WDFY1: variants seen among roughly 807,000 people sequenced by gnomAD.
The protein encoded by WDFY1 is WD repeat and FYVE domain-containing protein 1.
A neutral mutation model predicts 56.4 loss-of-function variants in WDFY1; 32 were observed. The ratio of observed to expected loss-of-function variants is 0.57; its 90% CI spans 0.43 to 0.76. WDFY1 has a LOEUF of 0.76. Among genes scored for constraint, WDFY1 ranks in the 30% least tolerant of loss-of-function variants. WDFY1 has a pLI of 0.00. For synonymous variants in WDFY1, 192 were observed against 197.3 expected (o/e 0.97, Z 0.23); for missense variants, 480 against 545.7 (o/e 0.88, Z 1.20).
chr2:223,876,303 A>C lies in WDFY1; in HGVS notation c.*2368T>G, dbSNP rs552419742. 2 of 152,758 alleles carry C rather than the reference A, an allele frequency of 1.3e-5. No homozygotes were observed. The highest frequency in any genetic ancestry group is 2.9e-5 in the Non-Finnish European group (2 of 68,014). 9.5% of individuals were successfully genotyped at this position (152,758 alleles called of 1,614,324 possible). On this transcript the variant is annotated 3_prime_UTR_variant, in exon 12 of 12. Coordinates refer to ENST00000233055, the MANE Select transcript of WDFY1 (RefSeq NM_020830.5). ...AGAACTAATTTAAATGATCCATTTA[A>C]GAGAAATGCAGTCAAAATAAGGCAA...
intron 4 of WDFY1, among the ~76,000 whole-genome samples, chr2:223,902,680 T>C (rs1387646405): frequency 6.6e-6 from 1 of 152,064 alleles, no homozygotes; most frequent in Non-Finnish European, 1.5e-5. Flanking sequence ...GTTTTAATGA[T>C]ATTTAATTTC....
In WDFY1 at chr2:223,903,383, C is replaced by T. The variant is rs1017256231; in HGVS notation, c.335-2050G>A. 5.3e-5 allele frequency among the ~76,000 whole-genome samples: 8 copies of T among 151,990 alleles called. No homozygotes were observed. The East Asian group carries it at 1.2e-3, about 22-fold the overall frequency. On this transcript the variant is annotated intron_variant, in intron 4 of 11. Coordinates refer to ENST00000233055, the MANE Select transcript of WDFY1 (RefSeq NM_020830.5). ...CTAAAAATACAAACAATTAGCTGGC[C>T]GTGGTGGCTCGCACCTGTAATCCCA...
rs1693849971 is a variant in WDFY1, at chr2:223,919,270, G to A, written c.138-1260C>T. 2.0e-5 allele frequency among the ~76,000 whole-genome samples: 3 copies of A among 152,188 alleles called. No individual in the cohort carries two copies. In the South Asian group the frequency reaches 6.2e-4, roughly 32 times the overall value. ...CTGTCACCCAGGTTGGAGCGCAGTG[G>A]CACGATCTCGGCTCACTGCAACCGC... is the stretch of plus-strand genomic sequence containing the variant. On this transcript the variant is annotated intron_variant, in intron 1 of 11. Transcript: ENST00000233055.
In WDFY1 at chr2:223,882,208, G is replaced by A. The variant is rs571802326; in HGVS notation, c.934-136C>T. 86 of 1,177,624 alleles carry A rather than the reference G, an allele frequency of 7.3e-5. 1 individual carries two copies. In the South Asian group the frequency reaches 9.8e-4, roughly 13 times the overall value. 72.9% of individuals were successfully genotyped at this position (1,177,624 alleles called of 1,614,324 possible). A position where few individuals can be genotyped will look rare whatever the true frequency, so the allele number is the denominator to read the frequency against. On this transcript the variant is annotated intron_variant, in intron 9 of 11. Coordinates refer to ENST00000233055, the MANE Select transcript of WDFY1 (RefSeq NM_020830.5). ...CGGCTCACTGCAACCTCTGGCGCCC[G>A]GGTTCTACCAATTCTCCTGCCTCAG...
At chr2:223,878,912 G>T (rs1451513869) in intron 11 of WDFY1, among the ~76,000 whole-genome samples, 182 bp from the exon 12 acceptor site, 1 of 152,252 alleles carries the variant, frequency 6.6e-6, no homozygotes, top group Admixed American at 6.5e-5. Context: ...GGCTGGGCAC[G>T]GTGGCTCACG....
At chr2:223,881,918 A>G in intron 10 of WDFY1, 24 bp downstream of exon 10, 1 of 1,612,110 alleles carries the variant, frequency 6.2e-7, no homozygotes, top group Non-Finnish European at 8.5e-7. Context: ...AGAGGCAATG[A>G]GACAAAAATA....
At chr2:223,909,477 T>C (rs1693656903) in intron 3 of WDFY1, among the ~76,000 whole-genome samples, 1 of 152,048 alleles carries the variant, frequency 6.6e-6, no homozygotes, top group African/African-American at 2.4e-5. Context: ...AAAAATGACC[T>C]GATGATGATG....
chr2:223,919,023 A>G (rs73994437), intron 1 of WDFY1, among the ~76,000 whole-genome samples: 2,049 of 152,310 alleles, frequency 0.013, 39 homozygotes, highest in Middle Eastern at 0.058. Context: ...GACCTCAGAG[A>G]AACAATGGGA....
chr2:223,884,208 T>C (rs1470907886), intron 9 of WDFY1, among the ~76,000 whole-genome samples: 3 of 152,196 alleles, frequency 2.0e-5, no homozygotes, highest in South Asian at 4.1e-4. Flanking sequence ...AAGGGAACAA[T>C]TTAAAATAAT....
At chr2:223,898,902 T>A (rs1693448555) in intron 6 of WDFY1, 56 bp downstream of exon 6, 1 of 1,339,094 alleles carries the variant, frequency 7.5e-7, no homozygotes, top group African/African-American at 1.4e-5. Context: ...AGTAGAGAAC[T>A]GAATTTGGAT....
intron 11 of WDFY1, 84 bp from the exon 12 acceptor site, chr2:223,878,814 G>A: frequency 6.7e-7 from 1 of 1,492,816 alleles, no homozygotes; most frequent in Non-Finnish European, 9.2e-7. Context: ...ACAAACGACT[G>A]TTAAACCTGA....
At chr2:223,913,066 T>C (rs776224058) in intron 2 of WDFY1, among the ~76,000 whole-genome samples, 5 of 152,144 alleles carry the variant, frequency 3.3e-5, no homozygotes, top group Non-Finnish European at 7.4e-5. Flanking sequence ...CAAATTTGAA[T>C]TCACTTTGGA....
At chr2:223,934,104 T>C (rs1694128453) in intron 1 of WDFY1, among the ~76,000 whole-genome samples, 1 of 109,270 alleles carries the variant, frequency 9.2e-6, no homozygotes, top group South Asian at 3.1e-4. Context: ...TTTTTTTTTT[T>C]GAGAAAGAGA....
intron 6 of WDFY1, among the ~76,000 whole-genome samples, chr2:223,897,390 A>ATATATTTT (rs1461451983): frequency 6.7e-4 from 84 of 125,970 alleles, no homozygotes; most frequent in Middle Eastern, 4.1e-3. Flanking sequence ...ATATATATAT[A>ATATATTTT]TTTTTTAAGA....
At chr2:223,886,188 A>T (rs1337861243) in intron 8 of WDFY1, among the ~76,000 whole-genome samples, 3 of 151,540 alleles carry the variant, frequency 2.0e-5, no homozygotes, top group Non-Finnish European at 4.4e-5. Context: ...AAAATACAAA[A>T]ATTAGCCGGG....
At chr2:223,933,015 T>A (rs1026244203) in intron 1 of WDFY1, among the ~76,000 whole-genome samples, 1 of 152,134 alleles carries the variant, frequency 6.6e-6, no homozygotes, top group Non-Finnish European at 1.5e-5. Flanking sequence ...TCTCTGGAAT[T>A]CTGCCCTGTT....
intron 3 of WDFY1, among the ~76,000 whole-genome samples, chr2:223,906,505 T>G (rs140910123): frequency 6.6e-6 from 1 of 152,344 alleles, no homozygotes; most frequent in African/African-American, 2.4e-5. Context: ...GGGTGGTTTT[T>G]GTCTTTTTAT....
intron 4 of WDFY1, among the ~76,000 whole-genome samples, chr2:223,905,599 C>T (rs1381126629): frequency 6.6e-6 from 1 of 151,994 alleles, no homozygotes; most frequent in Non-Finnish European, 1.5e-5. Context: ...TCAATACACA[C>T]ACACAATGTG....
Position 223,905,980 on chromosome 2 carries a change from A to G in WDFY1, c.301T>C (p.Phe101Leu). 6.3e-7 allele frequency: 1 copy of G among 1,580,546 alleles called. No individual in the cohort carries two copies. Among genetic ancestry groups the G allele is most frequent in the Non-Finnish European group, 8.6e-7 (1 of 1,166,258 alleles). The change falls in exon 4 of 12, where the codon TTT becomes CTT. Residue 101 changes from phenylalanine to leucine, a missense_variant. Transcript: ENST00000233055. The stretch of plus-strand genomic sequence containing the variant: ...GTCTTGATAAAGTTCATTTTATTAA[A>G]ATCTTCAGAAACGTGAAATTCCTAA... Reference protein sequence around the residue: ...AVMEFHVSEDFNKMNFIKTYP... With the variant: ...AVMEFHVSEDLNKMNFIKTYP...
Sources: allele counts gnomAD v4.1 joint callset (sites outside exome capture counted in the v4.1 genomes callset), GRCh38; gene constraint gnomAD v4.1.1; transcripts MANE v1.5; gene names NCBI Gene and HGNC (gene_info 2026-07-23, HGNC 2026-07-21).